PLEC: variants seen among roughly 807,000 people sequenced by gnomAD.
PLEC encodes plectin.
In PLEC, 216 loss-of-function variants were observed where a neutral mutation model predicts 392.8. That is an observed-to-expected ratio of 0.55 (90% CI 0.49 to 0.62). PLEC has a LOEUF of 0.62. Among genes scored for constraint, PLEC ranks in the 20% least tolerant of loss-of-function variants. The probability of loss-of-function intolerance (pLI) is 0.00; values close to 1 mark genes in which losing one functional copy is unlikely to be tolerated. For synonymous variants in PLEC, 3,621 were observed against 2,980.6 expected (o/e 1.21, Z -7.00); for missense variants, 6,863 against 6,563.4 (o/e 1.05, Z -1.58).
chr8:143,956,243 C>T (rs1396673595), upstream of PLEC, among the ~76,000 whole-genome samples: 10 of 152,136 alleles, frequency 6.6e-5, no homozygotes, highest in South Asian at 1.2e-3. Flanking sequence ...CCACCACGCC[C>T]GGCCAGGGAG....
intron 19 of PLEC, among the ~76,000 whole-genome samples, chr8:143,930,963 C>T (rs907014898): frequency 1.2e-4 from 18 of 152,188 alleles, no homozygotes; most frequent in African/African-American, 4.3e-4. Context: ...CCATTTCAGT[C>T]TCCAGTCCCT....
intron 1 of PLEC, among the ~76,000 whole-genome samples, chr8:143,949,454 G>C (rs1195746456): frequency 1.3e-5 from 2 of 152,240 alleles, no homozygotes; most frequent in Non-Finnish European, 2.9e-5. Flanking sequence ...AGGCCACAGA[G>C]AAGGGGCAGA....
Position 143,922,989 on chromosome 8 carries a change from CCTT to C in PLEC, c.6937_6939del (p.Lys2313del), listed in dbSNP as rs1554691098. 6.2e-7 allele frequency: 1 copy of C among 1,611,738 alleles called. No individual in the cohort carries two copies. The highest frequency in any genetic ancestry group is 1.1e-5 in the South Asian group (1 of 90,864). ...GCCTCCTGCACCGCCTGCATCTTCT[CCTT>C]GAGCATCTTCTCTGCCAAGGCCCGC... On this transcript the variant is annotated inframe_deletion, in exon 31 of 32. Coordinates refer to ENST00000345136, the MANE Select transcript of PLEC (RefSeq NM_201384.3).
In PLEC at chr8:143,922,385, A is replaced by C; in HGVS notation, c.7436T>G (p.Val2479Gly). ...CTCCTGCAGCAGCTGCTCCTGCTGC[A>C]CCGTCTGCATCTGCAGAAGAAGAGG... is the stretch of plus-strand genomic sequence containing the variant. ...LQLKSEEMQT[V>G]QQEQLLQETQ... Residue 2479 changes from valine to glycine, a missense_variant, in exon 32 of 32, where the codon GTG becomes GGG. Physicochemically the swap from Val to Gly is moderately radical, Grantham distance 109 (BLOSUM62 -3). Coordinates refer to ENST00000345136, the MANE Select transcript of PLEC (RefSeq NM_201384.3). 6.2e-7 allele frequency: 1 copy of C among 1,602,026 alleles called. No individual in the cohort carries two copies. Among genetic ancestry groups the C allele is most frequent in the Non-Finnish European group, 8.5e-7 (1 of 1,179,872 alleles).
intron 1 of PLEC, among the ~76,000 whole-genome samples, chr8:143,964,223 G>C (rs577190149): frequency 1.3e-5 from 2 of 152,200 alleles, no homozygotes; most frequent in African/African-American, 4.8e-5. Flanking sequence ...AGGGACCAGA[G>C]GACAGACTGT....
intron 1 of PLEC, among the ~76,000 whole-genome samples, chr8:143,963,614 C>T (rs1329179655): frequency 6.6e-6 from 1 of 152,060 alleles, no homozygotes; most frequent in Non-Finnish European, 1.5e-5. Context: ...CTACCCAGAG[C>T]CTCACCAACA....
rs1204180231 is a variant in PLEC, at chr8:143,923,657, T to C, written c.6272A>G (p.Glu2091Gly). ...CTGCACCCGGGCCTCCTCCGCCTCC[T>C]CAGCCGCCCGCCGGGCCGCCTCCGC... ...GEAEAARRAA[E>G]EAEEARVQAE... is the part of the protein sequence containing the mutation. Residue 2091 changes from glutamate to glycine, a missense_variant, in exon 31 of 32, where the codon GAG (glutamate) becomes GGG (glycine). Transcript: ENST00000345136. 1.8e-5 allele frequency: 28 copies of C among 1,567,352 alleles called. No individual in the cohort carries two copies. Among genetic ancestry groups the C allele is most frequent in the Non-Finnish European group, 2.3e-5 (27 of 1,164,204 alleles).
rs1356464555 is a variant in PLEC, at chr8:143,929,720, T to C, written c.2849A>G (p.Asp950Gly). The change falls in exon 23 of 32, where the codon GAC becomes GGC. Residue 950 changes from aspartate to glycine, a missense_variant. Asp to Gly is a moderately conservative substitution (Grantham distance 94, BLOSUM62 -1). Coordinates refer to ENST00000345136, the MANE Select transcript of PLEC (RefSeq NM_201384.3). ...GTACTCGCGCTCAGCCATCAGCCGGTCCTCGGGTCCGAAGCCGCCCGCGTC... is the reference window on the plus strand; with the variant it reads ...GTACTCGCGCTCAGCCATCAGCCGGCCCTCGGGTCCGAAGCCGCCCGCGTC... ...SQDAGGFGPEDRLMAEREYGS... is the reference protein window; with the variant it reads ...SQDAGGFGPEGRLMAEREYGS... The C allele has an allele frequency of 6.3e-7, 1 of 1,599,730 alleles. No homozygotes were observed. The highest frequency in any genetic ancestry group is 8.5e-7 in the Non-Finnish European group (1 of 1,179,252).
chr8:143,927,834 C>A lies in PLEC; in HGVS notation c.3399+20G>T. The A allele has an allele frequency of 6.3e-7, 1 of 1,591,872 alleles. No homozygotes were observed. On this transcript the variant is annotated intron_variant, in intron 26 of 31. Transcript: ENST00000345136. ...GCTGTACCCCCACCCCGCCATGAAG[C>A]CCAAGCCTCGAAACGATACCTTCAG...
Position 143,919,305 on chromosome 8 carries a change from T to C in PLEC, c.10516A>G (p.Ser3506Gly), listed in dbSNP as rs1379300612. ...TCAAAGAAGCCCTTGGTGTCGTCGC[T>C]GGGGTCCGCCAGGACGCGGTTCATC... ...EEMNRVLADP[S>G]DDTKGFFDPN... Residue 3506 changes from serine (S) to glycine (G), a missense_variant, in exon 32 of 32, where the codon AGC (serine) becomes GGC (glycine). By Grantham distance (56) the Ser-to-Gly change is moderately conservative. Coordinates refer to ENST00000345136, the MANE Select transcript of PLEC (RefSeq NM_201384.3). The C allele has an allele frequency of 6.2e-7, 1 of 1,613,958 alleles. No individual in the cohort carries two copies. Among genetic ancestry groups the C allele is most frequent in the South Asian group, 1.1e-5 (1 of 91,084 alleles).
At position 143,929,717 on chromosome 8, in the gene PLEC, C is replaced by T. The variant is rs782775290; in HGVS notation, c.2852G>A (p.Arg951Gln). Residue 951 changes from arginine to glutamine, a missense_variant, in exon 23 of 32, where the codon CGG (arginine) becomes CAG (glutamine). Arg to Gln is a conservative substitution (Grantham distance 43). Coordinates refer to ENST00000345136, the MANE Select transcript of PLEC (RefSeq NM_201384.3). ...GCCGTACTCGCGCTCAGCCATCAGC[C>T]GGTCCTCGGGTCCGAAGCCGCCCGC... is the stretch of plus-strand genomic sequence containing the variant. ...QDAGGFGPED[R>Q]LMAEREYGSC... The T allele has an allele frequency of 2.6e-5, 41 of 1,599,758 alleles. No homozygotes were observed. Among genetic ancestry groups the T allele is most frequent in the African/African-American group, 4.0e-5 (3 of 74,904 alleles).
Position 143,930,067 on chromosome 8 carries a change from C to CAGGTCAG in PLEC, c.2613-12_2613-6dup, listed in dbSNP as rs1237747495. On this transcript the variant is annotated splice_polypyrimidine_tract_variant and splice_region_variant and intron_variant, in intron 21 of 31. Transcript: ENST00000345136. Reference sequence around the variant, plus strand: ...GCCTGGTGCTGGGCCTCCAGCCTGGCAGGTCAGGGCTACAGTCAGCGTCAC... The same window carrying CAGGTCAG: ...GCCTGGTGCTGGGCCTCCAGCCTGGCAGGTCAGAGGTCAGGGCTACAGTCAGCGTCAC... The CAGGTCAG allele has an allele frequency of 6.2e-7, 1 of 1,609,634 alleles. No homozygotes were observed. Among genetic ancestry groups the CAGGTCAG allele is most frequent in the Non-Finnish European group, 8.5e-7 (1 of 1,179,734 alleles).
At position 143,934,369 on chromosome 8, in the gene PLEC, A is replaced by T; in HGVS notation, c.1118T>A (p.Leu373Gln). ...PLDVEKEWGK[L>Q]HVAILEREKQ... ...CTCCCGCTCCAGGATGGCCACGTGC[A>T]GCTTGCCCCACTCCTTCTCCACATC... The change falls in exon 11 of 32, where the codon CTG (leucine) becomes CAG (glutamine). Residue 373 changes from leucine to glutamine, a missense_variant. Coordinates refer to ENST00000345136, the MANE Select transcript of PLEC (RefSeq NM_201384.3). 1.2e-6 allele frequency: 2 copies of T among 1,612,568 alleles called. No homozygotes were observed. Among genetic ancestry groups the T allele is most frequent in the Non-Finnish European group, 1.7e-6 (2 of 1,179,948 alleles).
In PLEC at chr8:143,930,214, C is replaced by T. The variant is rs781977174; in HGVS notation, c.2542G>A (p.Glu848Lys). 38 of 1,583,522 alleles carry T rather than the reference C, an allele frequency of 2.4e-5. No individual in the cohort carries two copies. In the East Asian group the frequency reaches 3.4e-4, roughly 14 times the overall value. Residue 848 changes from glutamate (E) to lysine (K), a missense_variant, in exon 21 of 32, where the codon GAG becomes AAG. Transcript: ENST00000345136. The part of the protein sequence containing the change: ...HWKVLSSSGS[E>K]AAVPSVCFLV... The stretch of plus-strand genomic sequence containing the variant: ...AAGCACACGGAGGGCACGGCGGCCT[C>T]GCTGCCGGAGCTGCTGAGCACCTTC...
In PLEC at chr8:143,919,925, C is replaced by A. The variant is rs368318946; in HGVS notation, c.9896G>T (p.Arg3299Leu). ...GCCGCTGAAGGACAGCCTCTCCTGCCGCAGGGTCTCCACCTCCTCCACGAT... is the reference window on the plus strand; with the variant it reads ...GCCGCTGAAGGACAGCCTCTCCTGCAGCAGGGTCTCCACCTCCTCCACGAT... The part of the protein sequence containing the change: ...ITIVEEVETL[R>L]QERLSFSGLR... Residue 3299 changes from arginine to leucine, a missense_variant, in exon 32 of 32, where the codon CGG (arginine) becomes CTG (leucine). Arg to Leu is a moderately radical substitution (Grantham distance 102). Coordinates refer to ENST00000345136, the MANE Select transcript of PLEC (RefSeq NM_201384.3). 6.2e-7 allele frequency: 1 copy of A among 1,613,354 alleles called. No individual in the cohort carries two copies. Among genetic ancestry groups the A allele is most frequent in the Non-Finnish European group, 8.5e-7 (1 of 1,180,034 alleles).
rs1554684207 is a variant in PLEC, at chr8:143,921,152, T to C, written c.8669A>G (p.Lys2890Arg). Residue 2890 changes from lysine (K) to arginine (R), a missense_variant, in exon 32 of 32, where the codon AAG becomes AGG. Coordinates refer to ENST00000345136, the MANE Select transcript of PLEC (RefSeq NM_201384.3). ...GTCAGTGTAGACCAGCTCCCCGCCC[T>C]TGGCAGCCTTATCCGTGAGTGGCAG... ...CLLPLTDKAAKGGELVYTDSE... is the reference protein window; with the variant it reads ...CLLPLTDKAARGGELVYTDSE... 2 of 1,613,636 alleles carry C rather than the reference T, an allele frequency of 1.2e-6. No homozygotes were observed. The highest frequency in any genetic ancestry group is 2.2e-5 in the East Asian group (1 of 44,878).
rs567805365 is a variant in PLEC, at chr8:143,926,135, G to A, written c.4045-251C>T. ...CGTCCTCCCTGCTTCCCGCAGACAGGCGACGGAGACAGACGGACGGGGAGA... is the reference window on the plus strand; with the variant it reads ...CGTCCTCCCTGCTTCCCGCAGACAGACGACGGAGACAGACGGACGGGGAGA... On this transcript the variant is annotated intron_variant, in intron 30 of 31. Coordinates refer to ENST00000345136, the MANE Select transcript of PLEC (RefSeq NM_201384.3). 2.0e-5 allele frequency among the ~76,000 whole-genome samples: 3 copies of A among 152,358 alleles called. No individual in the cohort carries two copies. In the South Asian group the frequency reaches 6.2e-4, roughly 32 times the overall value.
Position 143,932,136 on chromosome 8 carries a change from C to T in PLEC, c.2076G>A (p.Thr692=), listed in dbSNP as rs782009051. The T allele has an allele frequency of 1.7e-5, 27 of 1,610,670 alleles. No homozygotes were observed. Among genetic ancestry groups the T allele is most frequent in the South Asian group, 8.8e-5 (8 of 91,020 alleles). ...LLREDHPARP[T]VESFQAALQT... is the part of the protein sequence containing the mutation. ...CCTACCCAGGGAGCCCCACCTCCAC[C>T]GTGGGCCGGGCCGGGTGGTCCTCCC... The change falls in exon 17 of 32, where the codon ACG becomes ACA. Residue 692 remains threonine, a synonymous_variant. Coordinates refer to ENST00000345136, the MANE Select transcript of PLEC (RefSeq NM_201384.3).
At chr8:143,934,586 GCCT>G (rs1828452736) in intron 10 of PLEC, 46 bp downstream of exon 10, 1 of 1,600,914 alleles carries the variant, frequency 6.2e-7, no homozygotes, top group Admixed American at 1.7e-5. Context: ...AACCTTTCAG[GCCT>G]GGGGCGTTCC....
Sources: allele counts gnomAD v4.1 joint callset (sites outside exome capture counted in the v4.1 genomes callset), GRCh38; gene constraint gnomAD v4.1.1; transcripts MANE v1.5; gene names NCBI Gene and HGNC (gene_info 2026-07-23, HGNC 2026-07-21).